Variants in TECPR1 observed in about 807,000 individuals in gnomAD.
The protein encoded by TECPR1 is tectonin beta-propeller repeat containing 1.
Under a neutral mutation model 162.4 loss-of-function variants are expected in TECPR1, and 122 were observed. The observed-to-expected ratio is 0.75, with a 90% CI of 0.65 to 0.87. The LOEUF is 0.87. Among genes scored for constraint, TECPR1 ranks in the 40% least tolerant of loss-of-function variants. TECPR1 has a pLI of 0.00. For missense variants in TECPR1, 1,432 were observed against 1,618.2 expected, an observed-to-expected ratio of 0.88 and a Z score of 1.97; for synonymous variants, 642 against 670.6, an observed-to-expected ratio of 0.96 and a Z score of 0.66.
rs564544032 is a variant in TECPR1 at position 98,217,072 on chromosome 7, C to G, written c.*318G>C. 1.1e-5 allele frequency: 3 copies of G among 264,510 alleles called. No homozygotes were observed. The highest frequency in any genetic ancestry group is 7.1e-6 in the Non-Finnish European group (1 of 141,306). 16.4% of individuals were successfully genotyped at this position (264,510 alleles called of 1,614,324 possible). Reference sequence around the variant, plus strand: ...GCGTTCCCGGAGGGCTCCAGGTTCCCGGTTCTAGTCCTGGAAAGGCAGAAG... The same window carrying G: ...GCGTTCCCGGAGGGCTCCAGGTTCCGGGTTCTAGTCCTGGAAAGGCAGAAG... On this transcript the variant is annotated 3_prime_UTR_variant, in exon 26 of 26. Transcript: ENST00000447648.
intron 17 of TECPR1, chr7:98,226,912 G>A (rs895760321): frequency 4.4e-5 from 7 of 159,714 alleles, no homozygotes; most frequent in African/African-American, 7.2e-5. Context: ...CAGCCTGGGC[G>A]ACAGAGTGAG....
chr7:98,240,711 G>A (rs1371956001), intron 8 of TECPR1, 140 bp downstream of exon 8: 26 of 741,806 alleles, frequency 3.5e-5, no homozygotes, highest in South Asian at 2.6e-4. Context: ...CACTGCACCC[G>A]GCCTGGGTTT....
intron 23 of TECPR1, among the ~76,000 whole-genome samples, chr7:98,220,156 A>G (rs1278410021): frequency 6.6e-6 from 1 of 151,834 alleles, no homozygotes; most frequent in Non-Finnish European, 1.5e-5. Context: ...AGCCTGCCCA[A>G]CATGGCGAAA....
intron 19 of TECPR1, 105 bp downstream of exon 19, chr7:98,224,695 AG>A: frequency 1.7e-6 from 2 of 1,146,308 alleles, no homozygotes; most frequent in Non-Finnish European, 1.2e-6. Context: ...GGCCAGGCCT[AG>A]GGGGCAGGGT....
At chr7:98,219,630 G>T (rs551282455) in intron 23 of TECPR1, among the ~76,000 whole-genome samples, 1 of 152,230 alleles carries the variant, frequency 6.6e-6, no homozygotes, top group East Asian at 1.9e-4. Flanking sequence ...GGCTGGGCGC[G>T]GTGGCTCATG....
rs1245308117 is a variant in TECPR1 at position 98,217,170 on chromosome 7, T to A, written c.*220A>T. 1 of 518,734 alleles carries A rather than the reference T, an allele frequency of 1.9e-6. No homozygotes were observed. Among genetic ancestry groups the A allele is most frequent in the African/African-American group, 2.0e-5 (1 of 50,858 alleles). 32.1% of individuals were successfully genotyped at this position (518,734 alleles called of 1,614,324 possible). On this transcript the variant is annotated 3_prime_UTR_variant, in exon 26 of 26. Coordinates refer to ENST00000447648, the MANE Select transcript of TECPR1 (RefSeq NM_015395.3). ...CACCCCATGCCCCACACCCCGGGACTCCTCGCAGACGGGGACACGTGTGGG... is the reference window on the plus strand; with the variant it reads ...CACCCCATGCCCCACACCCCGGGACACCTCGCAGACGGGGACACGTGTGGG...
intron 10 of TECPR1, 39 bp downstream of exon 10, chr7:98,236,737 C>T: frequency 6.3e-7 from 1 of 1,578,192 alleles, no homozygotes; most frequent in African/African-American, 1.4e-5. Flanking sequence ...GACGGCCCAT[C>T]CCAGCCTGAC....
At chr7:98,223,285 G>C (rs1379577599) in intron 20 of TECPR1, 115 bp from the exon 21 acceptor site, 1 of 1,062,362 alleles carries the variant, frequency 9.4e-7, no homozygotes, top group African/African-American at 1.6e-5. Context: ...CGGGTAGAAA[G>C]AGGGGCCCAG....
chr7:98,226,121 G>A (rs141422760), intron 17 of TECPR1, among the ~76,000 whole-genome samples: 1 of 152,318 alleles, frequency 6.6e-6, no homozygotes, highest in Non-Finnish European at 1.5e-5. Context: ...ATGTGGGTGC[G>A]CAGCCCTGCC....
intron 6 of TECPR1, among the ~76,000 whole-genome samples, chr7:98,243,141 T>C (rs1027499616): frequency 4.7e-5 from 7 of 148,748 alleles, no homozygotes; most frequent in Non-Finnish European, 8.9e-5. Flanking sequence ...CACCCACCTA[T>C]CCATCCTTCT....
At chr7:98,229,807 A>T (rs1798374757) in intron 15 of TECPR1, among the ~76,000 whole-genome samples, 1 of 152,084 alleles carries the variant, frequency 6.6e-6, no homozygotes, top group African/African-American at 2.4e-5. Context: ...CTTCTGGCTC[A>T]CTATGTCCCC....
At chr7:98,240,171 T>C (rs984591008) in intron 8 of TECPR1, among the ~76,000 whole-genome samples, 1 of 152,004 alleles carries the variant, frequency 6.6e-6, no homozygotes, top group African/African-American at 2.4e-5. Flanking sequence ...TTATTGGACT[T>C]GCCGCTGATA....
chr7:98,234,705 C>CTTT (rs34332931), intron 10 of TECPR1, among the ~76,000 whole-genome samples: 16 of 73,484 alleles, frequency 2.2e-4, no homozygotes, highest in East Asian at 6.8e-4. Context: ...TTGTTATTGT[C>CTTT]TTTTTTTTTT....
At position 98,224,800 on chromosome 7, in the gene TECPR1, C is replaced by T. The variant is rs866084981; in HGVS notation, c.2690+1G>A. 1.6e-5 allele frequency: 25 copies of T among 1,580,036 alleles called. No homozygotes were observed. Among genetic ancestry groups the T allele is most frequent in the South Asian group, 7.0e-5 (6 of 86,246 alleles). On this transcript the variant is annotated splice_donor_variant, in intron 19 of 25. Transcript: ENST00000447648. LOFTEE classifies it high-confidence loss of function. Reference sequence around the variant, plus strand: ...AAGGCCCTGTGCAGGGAGAGGCTTACGCAGGGAAGTCGCTGGCATACTGCC... The same window carrying T: ...AAGGCCCTGTGCAGGGAGAGGCTTATGCAGGGAAGTCGCTGGCATACTGCC...
chr7:98,248,139 G>C (rs1286219415), intron 2 of TECPR1, among the ~76,000 whole-genome samples: 1 of 152,196 alleles, frequency 6.6e-6, no homozygotes, highest in Non-Finnish European at 1.5e-5. Context: ...GCACCCAGGG[G>C]TGTCCTTCCT....
intron 24 of TECPR1, 42 bp downstream of exon 24, chr7:98,217,894 C>T (rs1306220849): frequency 1.9e-6 from 3 of 1,546,488 alleles, no homozygotes; most frequent in Non-Finnish European, 1.7e-6. Context: ...AGAGAGGGAA[C>T]CAGAGCACCC....
At chr7:98,239,415 T>C (rs6963518) in intron 8 of TECPR1, among the ~76,000 whole-genome samples, 82,297 of 151,998 alleles carry the variant, frequency 0.54, 23,580 homozygotes, top group Middle Eastern at 0.7. Context: ...ACTAGTCAGG[T>C]GTGGTGGTAC....
chr7:98,241,364 T>C lies in TECPR1; in HGVS notation c.658-120A>G, dbSNP rs995916881. ...CCCTGACCGTCCAGATCTCACTCCC[T>C]GCCCCCTACCCCGGCCAAAAAACGC... On this transcript the variant is annotated intron_variant, in intron 6 of 25. Transcript: ENST00000447648. This position sits in a 1 kb window ranked among gnomAD's most constrained non-coding sequence, Gnocchi z 5.0. 88 of 1,275,682 alleles carry C rather than the reference T, an allele frequency of 6.9e-5. 1 individual carries two copies. The South Asian group carries it at 1.2e-3, about 17-fold the overall frequency. 79.0% of individuals were successfully genotyped at this position (1,275,682 alleles called of 1,614,324 possible).
intron 23 of TECPR1, among the ~76,000 whole-genome samples, chr7:98,220,673 C>T (rs1181031275): frequency 1.3e-5 from 2 of 152,042 alleles, no homozygotes; most frequent in Non-Finnish European, 2.9e-5. Context: ...ATTCTCCTGC[C>T]TCAGCCTCCC....
Sources: allele counts gnomAD v4.1 joint callset (sites outside exome capture counted in the v4.1 genomes callset), GRCh38; gene constraint gnomAD v4.1.1; non-coding constraint Gnocchi (gnomAD v3.1); transcripts MANE v1.5; gene names NCBI Gene and HGNC (gene_info 2026-07-23, HGNC 2026-07-21).